Variants in CTBP2 observed in about 807,000 individuals in gnomAD.
The protein encoded by CTBP2 is C-terminal binding protein 2, also known as C-terminal-binding protein 2.
CTBP2 carries 30 observed loss-of-function variants against 80.3 expected under a neutral mutation model. The ratio of observed to expected loss-of-function variants is 0.37; its 90% confidence interval spans 0.28 to 0.51. The LOEUF is 0.51. CTBP2 is among the 20% of genes least tolerant of loss of function. CTBP2 has a pLI of 0.93. For synonymous variants in CTBP2, 594 were observed against 587.4 expected, an observed-to-expected ratio of 1.01 and a Z score of -0.16; for missense variants, 1,212 against 1,375.3, an observed-to-expected ratio of 0.88 and a Z score of 1.88.
At chr10:125,162,375 T>G (rs1193771034), upstream of CTBP2, 1 of 152,252 alleles carries the variant, frequency 6.6e-6, no homozygotes, top group African/African-American at 2.4e-5. Flanking sequence ...TGCACGACCC[T>G]TTTCTGCATC....
chr10:125,021,642 C>G (rs1001629423), intron 1 of CTBP2, among the ~76,000 whole-genome samples: 8 of 152,076 alleles, frequency 5.3e-5, no homozygotes, highest in African/African-American at 1.7e-4. Flanking sequence ...GGTGATCTGG[C>G]GAGGTCACAA....
At chr10:125,131,865 C>T (rs1856242704) in intron 1 of CTBP2, among the ~76,000 whole-genome samples, 1 of 152,242 alleles carries the variant, frequency 6.6e-6, no homozygotes, top group African/African-American at 2.4e-5. Context: ...TGCCGGGAAG[C>T]GACACACATT....
intron 2 of CTBP2, among the ~76,000 whole-genome samples, chr10:125,105,115 C>G (rs2135860216): frequency 6.6e-6 from 1 of 152,304 alleles, no homozygotes; most frequent in East Asian, 1.9e-4. Flanking sequence ...ATCTGGCCAC[C>G]CAGGCATAGG....
In CTBP2 at chr10:125,095,575, G is replaced by A. The variant is rs931719724; in HGVS notation, c.-102+15415C>T. 3.0e-4 allele frequency among the ~76,000 whole-genome samples: 46 copies of A among 152,188 alleles called. 1 individual carries two copies. The highest frequency in any genetic ancestry group is 1.1e-3 in the African/African-American group (45 of 41,454). On this transcript the variant is annotated intron_variant, in intron 2 of 10. Transcript: ENST00000337195. ...AGCCACTACCACATGCTCTGAGGAC[G>A]CTAGTCCTTCTGGAACTGTGGGCCT... is the stretch of plus-strand genomic sequence containing the variant.
intron 2 of CTBP2, among the ~76,000 whole-genome samples, chr10:125,063,103 C>T (rs539762470): frequency 1.3e-5 from 2 of 152,326 alleles, no homozygotes; most frequent in Non-Finnish European, 2.9e-5. Flanking sequence ...CGGCCAGCCT[C>T]GAGCTGGACC....
intron 8 of CTBP2, among the ~76,000 whole-genome samples, chr10:124,991,884 C>G (rs1188396036): frequency 7.7e-5 from 7 of 91,368 alleles, no homozygotes; most frequent in Non-Finnish European, 1.5e-4. Flanking sequence ...CCTGGGAAGC[C>G]AGCAATAATG....
In CTBP2 at chr10:125,026,790, G is replaced by C; in HGVS notation, c.970C>G (p.Leu324Val). The change falls in exon 1 of 9, where the codon CTG (leucine) becomes GTG (valine). Residue 324 changes from leucine (L) to valine (V), a missense_variant. Physicochemically the swap from Leu to Val is conservative, Grantham distance 32. Transcript: ENST00000309035. Reference sequence around the variant, plus strand: ...ACAGACTTGATATCCGCGTCCTCCAGGGTAGCCAGGACGGCCGGGGAGTCA... The same window carrying C: ...ACAGACTTGATATCCGCGTCCTCCACGGTAGCCAGGACGGCCGGGGAGTCA... The C allele has an allele frequency of 6.2e-7, 1 of 1,613,224 alleles. No homozygotes were observed. The highest frequency in any genetic ancestry group is 1.1e-5 in the South Asian group (1 of 91,090).
At chr10:125,075,277 A>G (rs912518864) in intron 2 of CTBP2, among the ~76,000 whole-genome samples, 5 of 152,194 alleles carry the variant, frequency 3.3e-5, no homozygotes, top group Admixed American at 1.3e-4. Context: ...GCCCCCAAGA[A>G]GAGTATGCTG....
intron 1 of CTBP2, among the ~76,000 whole-genome samples, chr10:125,120,336 A>T (rs1476465106): frequency 6.6e-6 from 1 of 152,254 alleles, no homozygotes; most frequent in African/African-American, 2.4e-5. Flanking sequence ...CAAAGTCCAC[A>T]GTCCCTGAAA....
chr10:125,015,082 C>T (rs1190502639), intron 1 of CTBP2, among the ~76,000 whole-genome samples: 4 of 152,172 alleles, frequency 2.6e-5, no homozygotes, highest in Admixed American at 2.0e-4. Context: ...CCACGTTCCT[C>T]GACATTAGGT....
Position 125,066,976 on chromosome 10 carries a change from G to A in CTBP2, c.-101-27821C>T, listed in dbSNP as rs941051171. ...AGGCTGCTGAATTCCTGAAGTCCCC[G>A]CCTGACCACCAGGCCCAGGTATAAG... On this transcript the variant is annotated intron_variant, in intron 2 of 10. Transcript: ENST00000337195. The surrounding 1 kb of genome is among the most constrained non-coding windows in gnomAD (Gnocchi z 4.1). Among the ~76,000 whole-genome samples the A allele has an allele frequency of 2.0e-5, 3 of 152,244 alleles. No individual in the cohort carries two copies. The highest frequency in any genetic ancestry group is 4.8e-5 in the African/African-American group (2 of 41,544).
intron 2 of CTBP2, among the ~76,000 whole-genome samples, chr10:125,091,843 A>G (rs1152667): frequency 0.034 from 5,221 of 152,250 alleles, 279 homozygotes; most frequent in African/African-American, 0.12. Context: ...TGGAAAAAAA[A>G]ATCACCCAAA....
At chr10:125,031,487 TCA>T (rs1958193920), upstream of CTBP2, among the ~76,000 whole-genome samples, 1 of 12,010 alleles carries the variant, frequency 8.3e-5, no homozygotes, top group Non-Finnish European at 1.8e-4. Context: ...AGACTCCATT[TCA>T]AAAAAAAAAA....
chr10:125,137,464 C>G (rs975090891), intron 1 of CTBP2, among the ~76,000 whole-genome samples: 7 of 152,192 alleles, frequency 4.6e-5, no homozygotes, highest in Middle Eastern at 3.2e-3. Flanking sequence ...CCTGCACATA[C>G]AACATCAAGG....
intron 2 of CTBP2, among the ~76,000 whole-genome samples, chr10:125,091,694 C>T (rs919846437): frequency 3.9e-5 from 6 of 152,134 alleles, no homozygotes; most frequent in African/African-American, 1.2e-4. Context: ...TGCTTGAGCC[C>T]GGAGGTCAAG....
At chr10:125,129,247 C>A (rs1336279649) in intron 1 of CTBP2, among the ~76,000 whole-genome samples, 1 of 152,186 alleles carries the variant, frequency 6.6e-6, no homozygotes, top group South Asian at 2.1e-4. Context: ...TGGGGACAGC[C>A]TGGCAGGGCC....
Position 125,160,002 on chromosome 10 carries a change from C to G in CTBP2, c.-206+317G>C, listed in dbSNP as rs1861668524. On this transcript the variant is annotated intron_variant, in intron 1 of 10. Transcript: ENST00000337195. ...CCCTGATGGGAAGGAAGGTGACCGC[C>G]TACTTCGCATTCATCAACTCTCATC... 4 of 150,408 alleles carry G rather than the reference C, an allele frequency of 2.7e-5. No homozygotes were observed. In the South Asian group the frequency reaches 7.2e-4, roughly 27 times the overall value. The allele number at this position is 150,408 out of a possible 1,614,324, so 9.3% of individuals were successfully genotyped here. A position where few individuals can be genotyped will look rare whatever the true frequency, so the allele number is the denominator to read the frequency against.
intron 1 of CTBP2, among the ~76,000 whole-genome samples, chr10:125,157,024 T>C (rs1591155403): frequency 6.6e-6 from 1 of 152,242 alleles, no homozygotes; most frequent in South Asian, 2.1e-4. Context: ...GGCCAAAATA[T>C]CTCACCAAGT....
chr10:125,013,034 G>A (rs145419067), intron 1 of CTBP2, among the ~76,000 whole-genome samples: 15 of 152,294 alleles, frequency 9.8e-5, no homozygotes, highest in Non-Finnish European at 1.9e-4. Flanking sequence ...CTGCCAGCCA[G>A]CAGCAAAGAA....
Sources: allele counts gnomAD v4.1 joint callset (sites outside exome capture counted in the v4.1 genomes callset), GRCh38; gene constraint gnomAD v4.1.1; non-coding constraint Gnocchi (gnomAD v3.1); transcripts MANE v1.5; gene names NCBI Gene and HGNC (gene_info 2026-07-23, HGNC 2026-07-21).